Variants in ASAH2 observed in about 807,000 individuals in gnomAD.
ASAH2 encodes the protein N-acylsphingosine amidohydrolase 2, also known as neutral ceramidase.
In ASAH2, 58 loss-of-function variants were observed where a neutral mutation model predicts 82.9. The observed-to-expected ratio is 0.70, with a 90% CI of 0.57 to 0.87. The LOEUF is 0.87. ASAH2 is among the 40% of genes least tolerant of loss of function. The pLI is 0.00. For missense variants in ASAH2, 779 were observed against 834.0 expected, an observed-to-expected ratio of 0.93 and a Z score of 0.81; for synonymous variants, 276 against 289.7, an observed-to-expected ratio of 0.95 and a Z score of 0.48.
intron 8 of ASAH2, among the ~76,000 whole-genome samples, chr10:50,217,941 A>G (rs1239836524): frequency 2.6e-5 from 4 of 152,256 alleles, no homozygotes; most frequent in Middle Eastern, 6.8e-3. Flanking sequence ...CCTGACCAAC[A>G]TGGCGAAACC....
chr10:50,248,977 A>C (rs1250583513), intron 1 of ASAH2, among the ~76,000 whole-genome samples: 1 of 152,182 alleles, frequency 6.6e-6, no homozygotes, highest in African/African-American at 2.4e-5. Flanking sequence ...TATGGCGATG[A>C]TGCTGTTTAT....
At chr10:50,227,580 A>G (rs1311135883) in intron 7 of ASAH2, among the ~76,000 whole-genome samples, 1 of 151,832 alleles carries the variant, frequency 6.6e-6, no homozygotes, top group Non-Finnish European at 1.5e-5. Flanking sequence ...TACTTTCTTT[A>G]TTTTTCAAGT....
intron 12 of ASAH2, among the ~76,000 whole-genome samples, chr10:50,206,879 A>G (rs1845313388): frequency 1.3e-5 from 2 of 151,920 alleles, no homozygotes; most frequent in South Asian, 4.1e-4. Flanking sequence ...ATAACAGAAT[A>G]TACATTCTTC....
At chr10:50,202,948 A>G in intron 15 of ASAH2, 24 bp from the exon 16 acceptor site, 6 of 1,395,290 alleles carry the variant, frequency 4.3e-6, no homozygotes, top group South Asian at 1.2e-5. Context: ...GTAAAACCCA[A>G]TAAAATTACT....
At chr10:50,214,214 T>C (rs1845537563) in intron 9 of ASAH2, among the ~76,000 whole-genome samples, 1 of 152,168 alleles carries the variant, frequency 6.6e-6, no homozygotes, top group African/African-American at 2.4e-5. Flanking sequence ...ATGAGAATAG[T>C]AACTTCTGGG....
chr10:50,234,667 C>T, intron 5 of ASAH2, 115 bp from the exon 6 acceptor site: 1 of 1,402,892 alleles, frequency 7.1e-7, no homozygotes, highest in African/African-American at 1.4e-5. Context: ...TCTAATGGGT[C>T]CACATTACGG....
At position 50,214,724 on chromosome 10, in the gene ASAH2, A is replaced by G. The variant is rs1845549879; in HGVS notation, c.1140+19T>C. 8 of 1,613,324 alleles carry G rather than the reference A, an allele frequency of 5.0e-6. No individual in the cohort carries two copies. The Admixed American group carries it at 1.0e-4, about 20-fold the overall frequency. ...TTTGAGATGCAAAAACAAAGATTTC[A>G]TGTGTCATAATTACCTACCCCACCA... On this transcript the variant is annotated intron_variant, in intron 9 of 20. Transcript: ENST00000682911.
chr10:50,204,703 C>T (rs1845248757), intron 14 of ASAH2, among the ~76,000 whole-genome samples, 158 bp downstream of exon 14: 1 of 151,726 alleles, frequency 6.6e-6, no homozygotes, highest in African/African-American at 2.4e-5. Flanking sequence ...TCTTCAGAGG[C>T]CCCAGCAAAA....
chr10:50,219,048 G>A (rs1845680164), intron 7 of ASAH2, among the ~76,000 whole-genome samples: 1 of 152,136 alleles, frequency 6.6e-6, no homozygotes, highest in Non-Finnish European at 1.5e-5. Flanking sequence ...TTTACTTTCA[G>A]AATCTCACCA....
chr10:50,195,179 C>T (rs1589319067), intron 18 of ASAH2, among the ~76,000 whole-genome samples: 1 of 151,272 alleles, frequency 6.6e-6, no homozygotes, highest in South Asian at 2.1e-4. Flanking sequence ...ATATAAGGTA[C>T]TCAAACAACT....
intron 14 of ASAH2, 127 bp from the exon 15 acceptor site, chr10:50,203,806 C>T: frequency 1.3e-6 from 1 of 788,080 alleles, no homozygotes; most frequent in South Asian, 1.5e-5. Context: ...TGTAGGAACC[C>T]AATGACTATG....
In ASAH2 at chr10:50,218,551, G is replaced by A; in HGVS notation, c.973C>T (p.Leu325=). 6.2e-7 allele frequency: 1 copy of A among 1,613,678 alleles called. No individual in the cohort carries two copies. Among genetic ancestry groups the A allele is most frequent in the South Asian group, 1.1e-5 (1 of 91,068 alleles). Residue 325 remains leucine (L), a synonymous_variant, in exon 8 of 21, where the codon CTG becomes TTG. Transcript: ENST00000682911. The stretch of plus-strand genomic sequence containing the variant: ...CCTTTGTTCTTCTCTTGCTCAAGCA[G>A]GTAAGATGCATAGCCCACATTGTCA... ...NSDNVGYASY[L]LEQEKNKGYL...
In ASAH2 at chr10:50,214,184, G is replaced by A. The variant is rs1479438603; in HGVS notation, c.1140+559C>T. ...TATAATGTTGTTTATGAATGCATAG[G>A]TAAATACATAGGAGGAGGTATGAGA... On this transcript the variant is annotated intron_variant, in intron 9 of 20. Coordinates refer to ENST00000682911, the MANE Select transcript of ASAH2 (RefSeq NM_019893.4). Among the ~76,000 whole-genome samples, 709 of 152,234 alleles carry A rather than the reference G, an allele frequency of 4.7e-3. 4 individuals carry two copies. Among genetic ancestry groups the A allele is most frequent in the African/African-American group, 0.016 (672 of 41,548 alleles).
chr10:50,205,119 C>T (rs1461224894), intron 13 of ASAH2, among the ~76,000 whole-genome samples, 164 bp from the exon 14 acceptor site: 1 of 151,950 alleles, frequency 6.6e-6, no homozygotes, highest in Non-Finnish European at 1.5e-5. Context: ...ATTTCAAATG[C>T]CAAAGCCCCA....
chr10:50,202,770 G>T, intron 16 of ASAH2, 59 bp downstream of exon 16: 2 of 1,162,510 alleles, frequency 1.7e-6, no homozygotes, highest in South Asian at 2.4e-5. Context: ...GTCTGCATTT[G>T]ACACAATAGT....
chr10:50,249,554 A>G (rs960854843), intron 1 of ASAH2, among the ~76,000 whole-genome samples: 1 of 152,210 alleles, frequency 6.6e-6, no homozygotes, highest in African/African-American at 2.4e-5. Context: ...ATCCTCCCCC[A>G]ATACTGAACA....
chr10:50,232,706 T>G (rs1368885025), intron 7 of ASAH2, among the ~76,000 whole-genome samples: 2 of 152,178 alleles, frequency 1.3e-5, no homozygotes, highest in Admixed American at 6.6e-5. Flanking sequence ...CAGTTCTATT[T>G]TATCCCTACT....
intron 10 of ASAH2, among the ~76,000 whole-genome samples, chr10:50,211,626 G>T (rs745396): frequency 7.6e-4 from 116 of 152,162 alleles, no homozygotes; most frequent in Middle Eastern, 3.4e-3. Context: ...TCCACTCTTC[G>T]GTGCTTTTGC....
intron 7 of ASAH2, among the ~76,000 whole-genome samples, chr10:50,231,182 T>A (rs1167106697): frequency 6.6e-6 from 1 of 152,092 alleles, no homozygotes; most frequent in Non-Finnish European, 1.5e-5. Flanking sequence ...TCAGTGTAAC[T>A]AGCAGAGATG....
Sources: allele counts gnomAD v4.1 joint callset (sites outside exome capture counted in the v4.1 genomes callset), GRCh38; gene constraint gnomAD v4.1.1; transcripts MANE v1.5; gene names NCBI Gene and HGNC (gene_info 2026-07-23, HGNC 2026-07-21).